The following DNAH6 variants were observed in gnomAD, a reference collection of about 807,000 sequenced individuals.
DNAH6 encodes the protein dynein axonemal heavy chain 6, also known as axonemal beta dynein heavy chain 6.
In DNAH6, 340 loss-of-function variants were observed where a neutral mutation model predicts 491.4. That is an observed-to-expected ratio of 0.69 (90% confidence interval 0.63 to 0.76). The LOEUF is 0.76. Among genes scored for constraint, DNAH6 ranks in the 30% least tolerant of loss-of-function variants. The probability of loss-of-function intolerance (pLI) is 0.00; values close to 1 mark genes in which losing one functional copy is unlikely to be tolerated. For synonymous variants in DNAH6, 1,603 were observed against 1,686.1 expected (o/e 0.95, Z 1.21); for missense variants, 4,443 against 4,972.2 (o/e 0.89, Z 3.20).
the DNAH6 span, among the ~76,000 whole-genome samples, chr2:84,509,703 T>C: frequency 2.6e-5 from 4 of 152,226 alleles, no homozygotes; most frequent in African/African-American, 9.6e-5. Flanking sequence ...GTCTTTGCAG[T>C]GGCTGGTACC....
At chr2:84,738,863 G>T (rs1672249718) in intron 62 of DNAH6, among the ~76,000 whole-genome samples, 1 of 152,142 alleles carries the variant, frequency 6.6e-6, no homozygotes, top group Non-Finnish European at 1.5e-5. Flanking sequence ...ATGAGGTTTT[G>T]TTGCTGTCAT....
intron 64 of DNAH6, 148 bp downstream of exon 64, chr2:84,763,093 C>A: frequency 1.6e-6 from 1 of 639,978 alleles, no homozygotes; most frequent in Non-Finnish European, 2.7e-6. Flanking sequence ...TAATAGTTAG[C>A]TATTGTTAAA....
intron 26 of DNAH6, 108 bp downstream of exon 26, chr2:84,621,659 T>A (rs1687407697): frequency 1.6e-6 from 1 of 614,628 alleles, no homozygotes; most frequent in African/African-American, 1.8e-5. Flanking sequence ...ATTCTAATGC[T>A]CTGACATTTG....
At chr2:84,625,907 A>G (rs939168173) in intron 29 of DNAH6, among the ~76,000 whole-genome samples, 1 of 152,218 alleles carries the variant, frequency 6.6e-6, no homozygotes, top group Non-Finnish European at 1.5e-5. Flanking sequence ...TTTTTTAAAT[A>G]ACTTTTTCAG....
In DNAH6 at chr2:84,745,398, G is replaced by T. The variant is rs1196835075; in HGVS notation, c.10512+149G>T. 11 of 574,034 alleles carry T rather than the reference G, an allele frequency of 1.9e-5. No homozygotes were observed. In the South Asian group the frequency reaches 2.9e-4, roughly 15 times the overall value. The allele number at this position is 574,034 out of a possible 1,614,324, so 35.6% of individuals were successfully genotyped here. Reference sequence around the variant, plus strand: ...AATGAAACATGGGCCGAGCGCCGTGGCTCACGCCTGTAATCCCAGCACTTT... The same window carrying T: ...AATGAAACATGGGCCGAGCGCCGTGTCTCACGCCTGTAATCCCAGCACTTT... On this transcript the variant is annotated intron_variant, in intron 63 of 76. Transcript: ENST00000389394.
the DNAH6 span, among the ~76,000 whole-genome samples, chr2:84,497,749 G>A: frequency 6.6e-6 from 1 of 152,154 alleles, no homozygotes; most frequent in East Asian, 1.9e-4. Flanking sequence ...CTGTAATTTA[G>A]CAACAAAATC....
chr2:84,611,584 A>T (rs187018090), intron 21 of DNAH6, 90 bp from the exon 22 acceptor site: 12,819 of 1,126,306 alleles, frequency 0.011, 170 homozygotes, highest in Middle Eastern at 0.047. Context: ...GGAAAAAGAT[A>T]CAGTGATTCC....
At chr2:84,582,443 C>CTGTTTT (rs995644106) in intron 14 of DNAH6, among the ~76,000 whole-genome samples, 1 of 152,036 alleles carries the variant, frequency 6.6e-6, no homozygotes, top group Admixed American at 6.5e-5. Flanking sequence ...GCTCAGCAAT[C>CTGTTTT]TGTTTTTGTT....
At chr2:84,632,945 C>T (rs3922460) in intron 29 of DNAH6, among the ~76,000 whole-genome samples, 1,957 of 152,226 alleles carry the variant, frequency 0.013, 44 homozygotes, top group African/African-American at 0.045. Flanking sequence ...TGAATCTTCA[C>T]CTATTGGTTC....
chr2:84,514,494 C>T (rs949492545), upstream of DNAH6, among the ~76,000 whole-genome samples: 4 of 152,194 alleles, frequency 2.6e-5, no homozygotes, highest in Non-Finnish European at 5.9e-5. Flanking sequence ...AAAATTTTAA[C>T]TGCATTTCCT....
At chr2:84,803,055 A>T (rs1484235579) in intron 70 of DNAH6, among the ~76,000 whole-genome samples, 2 of 152,234 alleles carry the variant, frequency 1.3e-5, no homozygotes, top group African/African-American at 4.8e-5. Flanking sequence ...GAGATGCAAC[A>T]AAAACAGTGT....
In DNAH6 at chr2:84,547,546, G is replaced by A; in HGVS notation, c.1120G>A (p.Ala374Thr). The A allele has an allele frequency of 6.4e-7, 1 of 1,551,796 alleles. No homozygotes were observed. Among genetic ancestry groups the A allele is most frequent in the Middle Eastern group, 1.7e-4 (1 of 5,990 alleles). ...RNEAKYVVRR[A>T]CRFALRAAGF... ...TGAGGCAAAATATGTAGTCAGGAGG[G>A]CTTGTCGATTTGCTTTGCGTGCTGC... The change falls in exon 7 of 77, where the codon GCT becomes ACT. Residue 374 changes from alanine (A) to threonine (T), a missense_variant. Around this residue, in one of 3 missense-constraint regions of DNAH6, gnomAD observed 2,977 missense variants for 3,296.6 expected, o/e 0.90. Coordinates refer to ENST00000389394, the MANE Select transcript of DNAH6 (RefSeq NM_001370.2).
chr2:84,663,044 A>G (rs1462286043), intron 37 of DNAH6, among the ~76,000 whole-genome samples: 2 of 152,202 alleles, frequency 1.3e-5, no homozygotes, highest in Non-Finnish European at 2.9e-5. Context: ...TAGAAGGAAA[A>G]CTAACAAACA....
chr2:84,649,950 G>A (rs1384982614), intron 33 of DNAH6, among the ~76,000 whole-genome samples: 1 of 152,032 alleles, frequency 6.6e-6, no homozygotes, highest in Admixed American at 6.6e-5. Context: ...TTTTTAAAAA[G>A]ATGTTTTCCA....
chr2:84,584,303 C>T (rs375719906), intron 15 of DNAH6, 53 bp downstream of exon 15: 517 of 1,546,468 alleles, frequency 3.3e-4, no homozygotes, highest in Non-Finnish European at 4.4e-4. Flanking sequence ...TTTACTATTA[C>T]ATTTGTTTAT....
chr2:84,748,369 T>A (rs1209437136), intron 63 of DNAH6, among the ~76,000 whole-genome samples: 2 of 152,224 alleles, frequency 1.3e-5, no homozygotes, highest in Non-Finnish European at 2.9e-5. Flanking sequence ...TATTGACCAC[T>A]TTGTGGTGAA....
At chr2:84,812,561 C>A in intron 73 of DNAH6, 35 bp downstream of exon 73, 1 of 1,529,104 alleles carries the variant, frequency 6.5e-7, no homozygotes, top group Non-Finnish European at 8.8e-7. Context: ...TTTGATGAAT[C>A]TGATGGCATA....
the DNAH6 span, among the ~76,000 whole-genome samples, chr2:84,498,042 A>G: frequency 6.6e-6 from 1 of 152,218 alleles, no homozygotes; most frequent in Non-Finnish European, 1.5e-5. Context: ...AGGTCCTTCC[A>G]GACAAGATAG....
rs1024595980 is a variant in DNAH6, at chr2:84,614,680, A to G, written c.3476-2206A>G. On this transcript the variant is annotated intron_variant, in intron 22 of 76. Coordinates refer to ENST00000389394, the MANE Select transcript of DNAH6 (RefSeq NM_001370.2). ...TGGAAAAGTGTTCCCTTTCCACCAC[A>G]TCCACACCAACATCTATTATTTTTT... 2.6e-5 allele frequency among the ~76,000 whole-genome samples: 4 copies of G among 151,630 alleles called. No individual in the cohort carries two copies. In the Admixed American group the frequency reaches 2.6e-4, roughly 10 times the overall value.
Sources: allele counts gnomAD v4.1 joint callset (sites outside exome capture counted in the v4.1 genomes callset), GRCh38; gene constraint gnomAD v4.1.1; regional missense constraint gnomAD v4.1.1; transcripts MANE v1.5; gene names NCBI Gene and HGNC (gene_info 2026-07-23, HGNC 2026-07-21).